Variants in DHRS3 observed in about 807,000 individuals in gnomAD.
DHRS3 encodes the protein dehydrogenase/reductase 3.
Under a neutral mutation model 27.2 loss-of-function variants are expected in DHRS3, and 14 were observed. That is an observed-to-expected ratio of 0.52 (90% confidence interval 0.34 to 0.81). The LOEUF is 0.81. DHRS3 is among the 30% of genes least tolerant of loss of function. The pLI is 0.01. For synonymous variants in DHRS3, 165 were observed against 175.9 expected (o/e 0.94, Z 0.49); for missense variants, 322 against 406.2 (o/e 0.79, Z 1.78).
At chr1:12,573,262 G>T (rs1380061164) in intron 4 of DHRS3, among the ~76,000 whole-genome samples, 1 of 152,166 alleles carries the variant, frequency 6.6e-6, no homozygotes, top group African/African-American at 2.4e-5. Flanking sequence ...AGGGCTTTTT[G>T]CCAGCTCTCT....
chr1:12,588,424 G>A (rs764548623), intron 1 of DHRS3, among the ~76,000 whole-genome samples: 4 of 152,194 alleles, frequency 2.6e-5, no homozygotes. Flanking sequence ...CTCACCCAAG[G>A]TCATGCAGCT....
At position 12,578,023 on chromosome 1, in the gene DHRS3, C is replaced by T. The variant is rs537637900; in HGVS notation, c.698+695G>A. The stretch of plus-strand genomic sequence containing the variant: ...ACCCCCAGCCCTCCAGGGGAAGCCA[C>T]GGGTCTGATTTCCATCACCCTAACC... On this transcript the variant is annotated intron_variant, in intron 4 of 5. Transcript: ENST00000616661. This position sits in a 1 kb window ranked among gnomAD's most constrained non-coding sequence, Gnocchi z 4.5. Among the ~76,000 whole-genome samples the T allele has an allele frequency of 4.6e-5, 7 of 152,196 alleles. No individual in the cohort carries two copies. The highest frequency in any genetic ancestry group is 1.9e-4 in the East Asian group (1 of 5,202).
At chr1:12,602,792 C>G (rs937316463) in intron 1 of DHRS3, among the ~76,000 whole-genome samples, 29 of 152,378 alleles carry the variant, frequency 1.9e-4, no homozygotes, top group Middle Eastern at 3.4e-3. Context: ...TGGGAGGCCC[C>G]TCATAATCTA....
chr1:12,600,466 T>C, intron 1 of DHRS3: 1 of 906,068 alleles, frequency 1.1e-6, no homozygotes, highest in Non-Finnish European at 1.3e-6. Context: ...GCATCTGAGA[T>C]GTAAGAACAC....
chr1:12,576,089 C>A (rs1022966435), intron 4 of DHRS3, among the ~76,000 whole-genome samples: 1 of 152,152 alleles, frequency 6.6e-6, no homozygotes, highest in African/African-American at 2.4e-5. Flanking sequence ...CAAGGTCACA[C>A]AGAGCTGGGA....
At chr1:12,615,948 C>G (rs1396109992) in intron 1 of DHRS3, among the ~76,000 whole-genome samples, 1 of 152,250 alleles carries the variant, frequency 6.6e-6, no homozygotes, top group East Asian at 1.9e-4. Flanking sequence ...TTGGCCACCA[C>G]AGGCTCCGGC....
rs904914128 is a variant in DHRS3 at position 12,592,844 on chromosome 1, G to T, written c.196-12178C>A. Among the ~76,000 whole-genome samples the T allele has an allele frequency of 6.6e-6, 1 of 152,140 alleles. No individual in the cohort carries two copies. Among genetic ancestry groups the T allele is most frequent in the Non-Finnish European group, 1.5e-5 (1 of 68,020 alleles). On this transcript the variant is annotated intron_variant, in intron 1 of 5. Coordinates refer to ENST00000616661, the MANE Select transcript of DHRS3 (RefSeq NM_004753.7). This position sits in a 1 kb window ranked among gnomAD's most constrained non-coding sequence, Gnocchi z 4.2. ...AGATGCCAAGCTCTTTTTAACCTCC[G>T]AAGGCTCTTCACTGTCCCACATTAA...
intron 2 of DHRS3, chr1:12,580,298 T>C: frequency 1.7e-6 from 1 of 585,746 alleles, no homozygotes; most frequent in Non-Finnish European, 3.1e-6. Context: ...CCACACGGTC[T>C]ACATTTCCAA....
rs556959134 is a variant in DHRS3, at chr1:12,586,121, G to A, written c.196-5455C>T. On this transcript the variant is annotated intron_variant, in intron 1 of 5. Transcript: ENST00000616661. The surrounding 1 kb of genome is among the most constrained non-coding windows in gnomAD (Gnocchi z 5.0). ...AAAGACCTCTGGTCTCCGGGGCCCCGGGCTGTCCTGCCCTTGCCCAGAGCT... is the reference window on the plus strand; with the variant it reads ...AAAGACCTCTGGTCTCCGGGGCCCCAGGCTGTCCTGCCCTTGCCCAGAGCT... Among the ~76,000 whole-genome samples, 5 of 152,320 alleles carry A rather than the reference G, an allele frequency of 3.3e-5. No homozygotes were observed. The highest frequency in any genetic ancestry group is 9.6e-5 in the African/African-American group (4 of 41,558).
chr1:12,582,893 C>A (rs1281989307), intron 1 of DHRS3, among the ~76,000 whole-genome samples: 1 of 148,472 alleles, frequency 6.7e-6, no homozygotes, highest in African/African-American at 2.5e-5. Flanking sequence ...CTCATCTACC[C>A]TACTCCATCC....
At chr1:12,584,977 G>T (rs980905196) in intron 1 of DHRS3, among the ~76,000 whole-genome samples, 1 of 151,630 alleles carries the variant, frequency 6.6e-6, no homozygotes, top group Non-Finnish European at 1.5e-5. Context: ...CTCTCTGTAT[G>T]AGTGTATGTG....
intron 1 of DHRS3, among the ~76,000 whole-genome samples, chr1:12,612,005 G>T (rs901273667): frequency 6.6e-6 from 1 of 151,734 alleles, no homozygotes; most frequent in Non-Finnish European, 1.5e-5. Flanking sequence ...AGACTGCAGG[G>T]GGGCGTGGTC....
chr1:12,587,410 C>T lies in DHRS3; in HGVS notation c.196-6744G>A, dbSNP rs367896312. Among the ~76,000 whole-genome samples the T allele has an allele frequency of 2.6e-5, 4 of 152,132 alleles. No individual in the cohort carries two copies. The East Asian group carries it at 5.8e-4, about 22-fold the overall frequency. ...TCTCCCACCTCAGCCTCCCAAAGTG[C>T]TGGGATTACAGGCATAAGCCACCAG... On this transcript the variant is annotated intron_variant, in intron 1 of 5. Coordinates refer to ENST00000616661, the MANE Select transcript of DHRS3 (RefSeq NM_004753.7).
chr1:12,579,440 A>G, intron 2 of DHRS3, 28 bp from the exon 3 acceptor site: 1 of 1,611,892 alleles, frequency 6.2e-7, no homozygotes, highest in Non-Finnish European at 8.5e-7. Flanking sequence ...CCACGGGGCC[A>G]TGAGGGCAGC....
rs70987261 is a variant in DHRS3, at chr1:12,616,834, AG to A, written c.195+319del. The A allele has an allele frequency of 2.5e-5, 11 of 432,060 alleles. No homozygotes were observed. The East Asian group carries it at 5.6e-4, about 22-fold the overall frequency. 26.8% of individuals were successfully genotyped at this position (432,060 alleles called of 1,614,324 possible). The stretch of plus-strand genomic sequence containing the variant: ...CAAGAAAAAGGGGGGAAGGCGGGGG[AG>A]GGGGGCACAACACCTTCCTTTGGGA... On this transcript the variant is annotated intron_variant, in intron 1 of 5. Coordinates refer to ENST00000616661, the MANE Select transcript of DHRS3 (RefSeq NM_004753.7).
intron 1 of DHRS3, among the ~76,000 whole-genome samples, chr1:12,607,153 G>A (rs745880910): frequency 1.8e-4 from 27 of 152,272 alleles, no homozygotes; most frequent in Admixed American, 5.9e-4. Context: ...GACAAGGTTC[G>A]CATTCATTCC....
chr1:12,585,361 C>T (rs1406453727), intron 1 of DHRS3, among the ~76,000 whole-genome samples: 1 of 143,232 alleles, frequency 7.0e-6, no homozygotes, highest in East Asian at 2.0e-4. Flanking sequence ...GAGTGTGTGT[C>T]TGTGTCTCTG....
At chr1:12,585,836 G>T (rs1204840919) in intron 1 of DHRS3, among the ~76,000 whole-genome samples, 1 of 152,226 alleles carries the variant, frequency 6.6e-6, no homozygotes. Context: ...CTGAGGGTAT[G>T]TGGGTTGGGG....
At chr1:12,579,221 C>T in intron 3 of DHRS3, 72 bp downstream of exon 3, 1 of 1,611,342 alleles carries the variant, frequency 6.2e-7, no homozygotes, top group South Asian at 1.1e-5. Context: ...CCTGGCAAAT[C>T]ATCCCCTCCC....
Sources: gnomAD v4.1 joint callset for allele counts (sites outside exome capture counted in the v4.1 genomes callset) on GRCh38, gnomAD v4.1.1 for gene constraint, Gnocchi (gnomAD v3.1) non-coding constraint, MANE v1.5 for transcripts, NCBI Gene and HGNC (gene_info 2026-07-23, HGNC 2026-07-21) for gene names.